The following BLTP2 variants were observed in gnomAD, a reference collection of about 807,000 sequenced individuals.
The protein encoded by BLTP2 is U937-associated antigen.
the BLTP2 span, chr17:28,632,852 C>T: frequency 8.0e-6 from 8 of 995,066 alleles, no homozygotes; most frequent in Non-Finnish European, 1.1e-5. Flanking sequence ...CCCCTCCCCT[C>T]CCCTCCCCAG....
the BLTP2 span, among the ~76,000 whole-genome samples, chr17:28,622,236 C>T: frequency 6.6e-6 from 1 of 152,226 alleles, no homozygotes; most frequent in Non-Finnish European, 1.5e-5. Context: ...CCTAAGACTA[C>T]TGATAAAGAG....
the BLTP2 span, chr17:28,640,170 G>T: frequency 1.2e-6 from 1 of 818,948 alleles, no homozygotes; most frequent in Admixed American, 2.6e-5. Flanking sequence ...CGAGGCAGGG[G>T]GATCACGAGG....
chr17:28,620,047 T>G, the BLTP2 span: 2 of 1,583,004 alleles, frequency 1.3e-6, no homozygotes, highest in Non-Finnish European at 1.7e-6. Context: ...TGAATATGAT[T>G]TTTAAGTAGA....
chr17:28,640,821 C>G, the BLTP2 span: 1 of 743,500 alleles, frequency 1.3e-6, no homozygotes, highest in Non-Finnish European at 2.2e-6. Flanking sequence ...GACCATAAGG[C>G]GAATGCCCCA....
chr17:28,617,418 G>A, the BLTP2 span: 1 of 765,688 alleles, frequency 1.3e-6, no homozygotes, highest in Non-Finnish European at 2.2e-6. Context: ...CTCTACATAT[G>A]CCTAATCCCA....
chr17:28,633,432 A>G, the BLTP2 span: 2 of 1,598,546 alleles, frequency 1.3e-6, no homozygotes, highest in African/African-American at 1.3e-5. Context: ...TTGGTGAGAT[A>G]TAGGTAAGAA....
chr17:28,619,581 A>C, the BLTP2 span: 1 of 1,595,494 alleles, frequency 6.3e-7, no homozygotes, highest in Non-Finnish European at 8.6e-7. Context: ...AAAGACAGTC[A>C]AAACATGGGC....
At chr17:28,615,754 C>T in the BLTP2 span, 1 of 1,614,062 alleles carries the variant, frequency 6.2e-7, no homozygotes, top group Non-Finnish European at 8.5e-7. Context: ...CCAGACAGGG[C>T]AGCACCAGGT....
chr17:28,628,217 T>C, the BLTP2 span: 2 of 1,520,328 alleles, frequency 1.3e-6, no homozygotes, highest in Non-Finnish European at 1.8e-6. Context: ...CAAGCCCATA[T>C]CCATGTTCTA....
chr17:28,621,088 A>C, the BLTP2 span: 2 of 1,614,186 alleles, frequency 1.2e-6, no homozygotes, highest in Non-Finnish European at 1.7e-6. Flanking sequence ...GGCTGTAACT[A>C]ATATAGTACA....
chr17:28,639,316 T>A, the BLTP2 span: 1 of 1,613,112 alleles, frequency 6.2e-7, no homozygotes, highest in Non-Finnish European at 8.5e-7. Flanking sequence ...CAGACTGACC[T>A]TTTTTTCCTT....
chr17:28,615,804 AGAG>A, the BLTP2 span: 2 of 1,613,534 alleles, frequency 1.2e-6, no homozygotes, highest in Non-Finnish European at 1.7e-6. Flanking sequence ...TCACCCTGTA[AGAG>A]GAGGGGGAGG....
At chr17:28,618,792 T>C in the BLTP2 span, 1 of 1,612,262 alleles carries the variant, frequency 6.2e-7, no homozygotes, top group South Asian at 1.1e-5. Flanking sequence ...CCCAGATACC[T>C]TGCTGTAGAG....
the BLTP2 span, chr17:28,632,881 C>T: frequency 7.7e-7 from 1 of 1,299,842 alleles, no homozygotes. Flanking sequence ...GCTAAAGTCC[C>T]CAGCATCCAT....
chr17:28,623,671 C>A, the BLTP2 span: 1 of 1,070,574 alleles, frequency 9.3e-7, no homozygotes, highest in South Asian at 1.4e-5. Flanking sequence ...AAGCTAGTAA[C>A]AGCAGGTTAC....
chr17:28,636,301 G>C, the BLTP2 span, among the ~76,000 whole-genome samples: 2 of 152,042 alleles, frequency 1.3e-5, no homozygotes, highest in African/African-American at 4.8e-5. Context: ...CTCCTAAGAG[G>C]GTCCCATGTC....
the BLTP2 span, chr17:28,631,473 G>A: frequency 1.2e-6 from 2 of 1,612,950 alleles, no homozygotes; most frequent in Admixed American, 1.7e-5. Flanking sequence ...GTGTGTCAGG[G>A]AGTACCTCCT....
chr17:28,617,016 AAAG>A, the BLTP2 span: 46 of 1,576,836 alleles, frequency 2.9e-5, 1 homozygote, highest in African/African-American at 4.1e-5. Context: ...GATAGAGAGT[AAAG>A]AAGAGCCCAA....
the BLTP2 span, chr17:28,624,089 C>T: frequency 6.7e-6 from 9 of 1,351,310 alleles, no homozygotes; most frequent in Non-Finnish European, 9.3e-6. Context: ...GGCTTTTAGA[C>T]ATAGAAGTGA....
Sources: gnomAD v4.1 joint callset for allele counts (sites outside exome capture counted in the v4.1 genomes callset) on GRCh38, gnomAD v4.1.1 for gene constraint, MANE v1.5 for transcripts, NCBI Gene and HGNC (gene_info 2026-07-23, HGNC 2026-07-21) for gene names.